RYR1: variants seen among roughly 807,000 people sequenced by gnomAD.
RYR1 encodes the protein ryanodine receptor 1, also known as central core disease of muscle.
RYR1 carries 342 observed loss-of-function variants against 583.5 expected under a neutral mutation model. The observed-to-expected ratio is 0.59, with a 90% CI of 0.54 to 0.64. The LOEUF is 0.64. Among genes scored for constraint, RYR1 ranks in the 30% least tolerant of loss-of-function variants. The pLI, the probability that RYR1 is intolerant of heterozygous loss-of-function variation, is 0.00. For synonymous variants in RYR1, 2,791 were observed against 2,822.5 expected, an observed-to-expected ratio of 0.99 and a Z score of 0.35; for missense variants, 6,032 against 6,917.2, an observed-to-expected ratio of 0.87 and a Z score of 4.54.
chr19:38,507,473 A>G (rs1176126755), intron 57 of RYR1, among the ~76,000 whole-genome samples: 3 of 144,364 alleles, frequency 2.1e-5, no homozygotes, highest in Non-Finnish European at 3.0e-5. Flanking sequence ...CCCGGGGAAC[A>G]GAGGTGGGGC....
intron 70 of RYR1, among the ~76,000 whole-genome samples, chr19:38,524,591 T>C (rs1423018138): frequency 6.6e-6 from 1 of 152,232 alleles, no homozygotes; most frequent in Non-Finnish European, 1.5e-5. Context: ...CTGGCGTGAC[T>C]GGGGTGGCCC....
chr19:38,434,251 T>C (rs1310565449), intron 1 of RYR1, among the ~76,000 whole-genome samples: 1 of 151,496 alleles, frequency 6.6e-6, no homozygotes, highest in Non-Finnish European at 1.5e-5. Flanking sequence ...ACCTTAGCCC[T>C]AATTCTCTTT....
intron 25 of RYR1, among the ~76,000 whole-genome samples, chr19:38,468,291 C>T (rs1409448616): frequency 6.6e-6 from 1 of 151,560 alleles, no homozygotes; most frequent in Non-Finnish European, 1.5e-5. Flanking sequence ...TTCAACCATC[C>T]ATCCATCATC....
intron 101 of RYR1, among the ~76,000 whole-genome samples, chr19:38,581,371 C>T (rs1342510455): frequency 6.6e-6 from 1 of 152,100 alleles, no homozygotes; most frequent in Non-Finnish European, 1.5e-5. Flanking sequence ...GCCACTGCGC[C>T]CGGCCAATTT....
At chr19:38,442,938 C>G (rs879625700) in intron 3 of RYR1, among the ~76,000 whole-genome samples, 1 of 152,200 alleles carries the variant, frequency 6.6e-6, no homozygotes, top group Non-Finnish European at 1.5e-5. Context: ...AGGAGTGGGT[C>G]CACCATGTGA....
chr19:38,561,513 C>T lies in RYR1; in HGVS notation c.12624+59C>T. The T allele has an allele frequency of 3.3e-6, 5 of 1,499,946 alleles. No homozygotes were observed. Among genetic ancestry groups the T allele is most frequent in the Non-Finnish European group, 3.6e-6 (4 of 1,104,866 alleles). The allele number at this position is 1,499,946 out of a possible 1,614,324, so 92.9% of individuals were successfully genotyped here. On this transcript the variant is annotated intron_variant, in intron 90 of 105. Transcript: ENST00000359596. This position sits in a 1 kb window ranked among gnomAD's most constrained non-coding sequence, Gnocchi z 4.8. ...CTGGGGCTTCGGGCATGCGGGTGCT[C>T]ACTTCCTGCACCCTCAGACCCCACG...
chr19:38,462,771 G>C (rs1967824866), intron 20 of RYR1, among the ~76,000 whole-genome samples: 1 of 152,124 alleles, frequency 6.6e-6, no homozygotes, highest in Non-Finnish European at 1.5e-5. Context: ...GTCTGGTTCT[G>C]GGCTGGATAG....
At chr19:38,438,545 T>G (rs1281186343) in intron 1 of RYR1, among the ~76,000 whole-genome samples, 2 of 149,652 alleles carry the variant, frequency 1.3e-5, no homozygotes, top group Admixed American at 1.3e-4. Context: ...CATACCACCA[T>G]GCTCGGCTAA....
rs1432491459 is a variant in RYR1, at chr19:38,512,455, C to T, written c.9444C>T (p.Ala3148=). The change falls in exon 63 of 106, where the codon GCC becomes GCT. Residue 3148 remains alanine, a synonymous_variant. Coordinates refer to ENST00000359596, the MANE Select transcript of RYR1 (RefSeq NM_000540.3). This position sits in a 1 kb window ranked among gnomAD's most constrained non-coding sequence, Gnocchi z 5.1. Reference sequence around the variant, plus strand: ...TCACCACCCTCTTCCAGCACATCGCCCAGCACCAGTTCGGAGATGACGTCA... The same window carrying T: ...TCACCACCCTCTTCCAGCACATCGCTCAGCACCAGTTCGGAGATGACGTCA... ...PVLTTLFQHI[A]QHQFGDDVIL... 1 of 1,612,980 alleles carries T rather than the reference C, an allele frequency of 6.2e-7. No individual in the cohort carries two copies. Among genetic ancestry groups the T allele is most frequent in the Non-Finnish European group, 8.5e-7 (1 of 1,180,032 alleles).
At chr19:38,569,215 T>C (rs897566631) in intron 93 of RYR1, among the ~76,000 whole-genome samples, 4 of 152,328 alleles carry the variant, frequency 2.6e-5, no homozygotes, top group Admixed American at 6.5e-5. Flanking sequence ...TTTCACCGTG[T>C]TAGCCAGAAT....
rs561434665 is a variant in RYR1 at position 38,506,754 on chromosome 19, C to A, written c.8693-75C>A. On this transcript the variant is annotated intron_variant, in intron 56 of 105. Transcript: ENST00000359596. Reference sequence around the variant, plus strand: ...TATCACCATAATTACGCATGCCGGGCACTGCAGGAACCACTTCAGTGAGAG... The same window carrying A: ...TATCACCATAATTACGCATGCCGGGAACTGCAGGAACCACTTCAGTGAGAG... 895 of 1,605,894 alleles carry A rather than the reference C, an allele frequency of 5.6e-4. 3 individuals are homozygous for A. In the African/African-American group the frequency reaches 0.01, roughly 18 times the overall value.
At chr19:38,581,658 A>G (rs1974215773) in intron 101 of RYR1, among the ~76,000 whole-genome samples, 1 of 151,950 alleles carries the variant, frequency 6.6e-6, no homozygotes, top group Non-Finnish European at 1.5e-5. Context: ...GAGTGCAGTG[A>G]CATGACCTCA....
At chr19:38,535,053 C>T (rs1971906778) in intron 79 of RYR1, 88 bp from the exon 80 acceptor site, 2 of 1,361,046 alleles carry the variant, frequency 1.5e-6, no homozygotes, top group South Asian at 1.2e-5. Context: ...CCCCTTCTCT[C>T]ACATCCCTTG....
intron 34 of RYR1, 25 bp from the exon 35 acceptor site, chr19:38,489,152 G>A (rs1568488144): frequency 6.2e-7 from 1 of 1,613,230 alleles, no homozygotes; most frequent in Non-Finnish European, 8.5e-7. Context: ...AGGCCACAGT[G>A]AAGAACCGAG....
chr19:38,572,146 A>G lies in RYR1; in HGVS notation c.13874A>G (p.Asp4625Gly), dbSNP rs748287480. ...GGAGAGGAGGCAGAGGGCGATGAGG[A>G]TGAGAACATGGTGTACTACTTCCTG... is the stretch of plus-strand genomic sequence containing the variant. ...GAGEEAEGDE[D>G]ENMVYYFLEE... Residue 4625 changes from aspartate (D) to glycine (G), a missense_variant, in exon 95 of 106, where the codon GAT becomes GGT. Around this residue, in one of 11 missense-constraint regions of RYR1, gnomAD observed 188 missense variants for 215.6 expected, o/e 0.87. Transcript: ENST00000359596. The G allele has an allele frequency of 2.5e-5, 40 of 1,613,658 alleles. No homozygotes were observed. The highest frequency in any genetic ancestry group is 3.3e-5 in the Non-Finnish European group (39 of 1,179,928).
chr19:38,580,318 G>C (rs200838738), intron 100 of RYR1, 52 bp from the exon 101 acceptor site: 64 of 1,605,166 alleles, frequency 4.0e-5, no homozygotes, highest in Middle Eastern at 1.7e-4. Context: ...TGGGCAGGGT[G>C]GGGGGAGGGC....
intron 89 of RYR1, among the ~76,000 whole-genome samples, chr19:38,558,350 A>G (rs1331908333): frequency 6.6e-6 from 1 of 152,214 alleles, no homozygotes; most frequent in Non-Finnish European, 1.5e-5. Context: ...AAAGACTATA[A>G]GTAGACTGTA....
chr19:38,567,343 A>G (rs1362645476), intron 92 of RYR1, among the ~76,000 whole-genome samples: 1 of 152,044 alleles, frequency 6.6e-6, no homozygotes, highest in Non-Finnish European at 1.5e-5. Context: ...AAAAAAAAAT[A>G]TGGAGAGATA....
In RYR1 at chr19:38,466,184, A is replaced by G. The variant is rs927947966; in HGVS notation, c.2964A>G (p.Ala988=). 1.9e-6 allele frequency: 3 copies of G among 1,613,600 alleles called. No homozygotes were observed. Among genetic ancestry groups the G allele is most frequent in the Non-Finnish European group, 2.5e-6 (3 of 1,179,980 alleles). The change falls in exon 24 of 106, where the codon GCA becomes GCG. Residue 988 remains alanine, a synonymous_variant. Transcript: ENST00000359596. ...PAQTTLVDRL[A]ENGHNVWARD... is the part of the protein sequence containing the mutation. ...AGACGACACTGGTGGACCGTCTGGC[A>G]GAAAATGGGCACAACGTGTGGGCCC...
Sources: gnomAD v4.1 joint callset for allele counts (sites outside exome capture counted in the v4.1 genomes callset) on GRCh38, gnomAD v4.1.1 for gene constraint, gnomAD v4.1.1 regional missense constraint, Gnocchi (gnomAD v3.1) non-coding constraint, MANE v1.5 for transcripts, NCBI Gene and HGNC (gene_info 2026-07-23, HGNC 2026-07-21) for gene names.